The following PLPPR1 variants were observed in gnomAD, a reference collection of about 807,000 sequenced individuals.
PLPPR1 encodes the protein phospholipid phosphatase related 1.
A neutral mutation model predicts 33.1 loss-of-function variants in PLPPR1; 10 were observed. The ratio of observed to expected loss-of-function variants is 0.30; its 90% confidence interval spans 0.19 to 0.51. The LOEUF (loss-of-function observed/expected upper bound fraction) is 0.51, where lower values mean the gene tolerates loss of function less well. Among genes scored for constraint, PLPPR1 ranks in the 20% least tolerant of loss-of-function variants. The probability of loss-of-function intolerance (pLI) is 0.97; values close to 1 mark genes in which losing one functional copy is unlikely to be tolerated. For synonymous variants in PLPPR1, 151 were observed against 151.0 expected (o/e 1.00, Z 0.00); for missense variants, 304 against 408.1 (o/e 0.74, Z 2.20).
At chr9:101,262,157 G>T (rs894203882) in intron 2 of PLPPR1, among the ~76,000 whole-genome samples, 1 of 152,094 alleles carries the variant, frequency 6.6e-6, no homozygotes, top group African/African-American at 2.4e-5. Flanking sequence ...AACTATTTTT[G>T]TTGAGTCAGA....
At chr9:101,133,061 C>T (rs969227397) in intron 1 of PLPPR1, among the ~76,000 whole-genome samples, 2 of 152,078 alleles carry the variant, frequency 1.3e-5, no homozygotes, top group African/African-American at 2.4e-5. Flanking sequence ...AATCAAGTTC[C>T]AATTAGGAAA....
intron 1 of PLPPR1, among the ~76,000 whole-genome samples, chr9:101,080,631 T>C (rs1204082574): frequency 6.6e-6 from 1 of 152,204 alleles, no homozygotes; most frequent in Non-Finnish European, 1.5e-5. Context: ...AATTTTCTCT[T>C]TGGCTGGTTA....
intron 1 of PLPPR1, among the ~76,000 whole-genome samples, chr9:101,128,095 T>C (rs190619744): frequency 4.6e-5 from 7 of 152,180 alleles, no homozygotes; most frequent in East Asian, 3.9e-4. Context: ...ACTATGAGAA[T>C]TGTGCTTATT....
intron 2 of PLPPR1, among the ~76,000 whole-genome samples, chr9:101,220,166 C>G (rs1356684955): frequency 1.3e-5 from 2 of 152,172 alleles, no homozygotes; most frequent in African/African-American, 4.8e-5. Context: ...TGAGTTGTAA[C>G]AACCCAAAAT....
intron 4 of PLPPR1, among the ~76,000 whole-genome samples, chr9:101,303,649 G>T (rs1041572760): frequency 6.6e-6 from 1 of 152,128 alleles, no homozygotes; most frequent in Admixed American, 6.5e-5. Flanking sequence ...AAGTAGGGAG[G>T]GGTGGTAAAA....
chr9:101,313,758 GT>G (rs1829003483), intron 6 of PLPPR1, among the ~76,000 whole-genome samples: 1 of 152,008 alleles, frequency 6.6e-6, no homozygotes, highest in Non-Finnish European at 1.5e-5. Flanking sequence ...AGTATAATAG[GT>G]ATACAATAAA....
intron 4 of PLPPR1, among the ~76,000 whole-genome samples, chr9:101,296,520 T>G (rs1023436269): frequency 1.3e-5 from 2 of 152,104 alleles, no homozygotes; most frequent in Non-Finnish European, 2.9e-5. Flanking sequence ...TGCGGCACTA[T>G]TCACAATAGC....
chr9:101,031,412 G>A (rs1184903832), intron 1 of PLPPR1, among the ~76,000 whole-genome samples: 2 of 152,074 alleles, frequency 1.3e-5, no homozygotes, highest in Non-Finnish European at 2.9e-5. Context: ...TTATGTTCTA[G>A]TTGTAAATAC....
intron 2 of PLPPR1, among the ~76,000 whole-genome samples, chr9:101,212,675 A>T (rs62576888): frequency 0.038 from 5,776 of 152,264 alleles, 162 homozygotes; most frequent in Non-Finnish European, 0.056. Context: ...GTATTGTCAG[A>T]TGTATATTCT....
In PLPPR1 at chr9:101,092,732, C is replaced by T. The variant is rs527670492; in HGVS notation, c.-46+63630C>T. 4.6e-5 allele frequency among the ~76,000 whole-genome samples: 7 copies of T among 152,246 alleles called. No homozygotes were observed. In the South Asian group the frequency reaches 6.2e-4, roughly 14 times the overall value. ...ATCTTCCTTGACTTCCATCTTATTA[C>T]GGACTAATTGTTTGTGTCCCCTCAA... is the stretch of plus-strand genomic sequence containing the variant. On this transcript the variant is annotated intron_variant, in intron 1 of 7. Transcript: ENST00000374874.
At chr9:101,079,633 G>A (rs986551740) in intron 1 of PLPPR1, among the ~76,000 whole-genome samples, 1 of 150,970 alleles carries the variant, frequency 6.6e-6, no homozygotes, top group African/African-American at 2.4e-5. Flanking sequence ...AGGCTGGAGT[G>A]CAGTGGCACG....
intron 1 of PLPPR1, among the ~76,000 whole-genome samples, chr9:101,090,181 A>G (rs1282315366): frequency 6.6e-6 from 1 of 152,156 alleles, no homozygotes; most frequent in Non-Finnish European, 1.5e-5. Context: ...ATATAACGAC[A>G]TGAGCCCTAG....
chr9:101,306,912 G>A (rs921864608), intron 4 of PLPPR1, among the ~76,000 whole-genome samples: 1 of 152,218 alleles, frequency 6.6e-6, no homozygotes, highest in African/African-American at 2.4e-5. Flanking sequence ...AGCGTAGGGT[G>A]AAGTAAGAGA....
intron 1 of PLPPR1, among the ~76,000 whole-genome samples, chr9:101,082,303 A>C (rs1470869120): frequency 6.6e-6 from 1 of 151,982 alleles, no homozygotes; most frequent in African/African-American, 2.4e-5. Context: ...TATCTCTCAT[A>C]TTAGTTACAA....
chr9:101,153,862 C>T (rs1185685854), intron 1 of PLPPR1, among the ~76,000 whole-genome samples: 5 of 151,846 alleles, frequency 3.3e-5, no homozygotes, highest in African/African-American at 4.8e-5. Context: ...GGACTACAGG[C>T]GTGAGCCACC....
rs187889037 is a variant in PLPPR1 at position 101,129,832 on chromosome 9, A to G, written c.-45-55618A>G. ...GGCGACAGAGCAAGACTGTCTCAAA[A>G]CAATAAAAAAATAAATAAAAGGGAA... On this transcript the variant is annotated intron_variant, in intron 1 of 7. Coordinates refer to ENST00000374874, the MANE Select transcript of PLPPR1 (RefSeq NM_207299.2). Among the ~76,000 whole-genome samples the G allele has an allele frequency of 7.4e-4, 112 of 152,336 alleles. 1 individual carries two copies. Among genetic ancestry groups the G allele is most frequent in the Non-Finnish European group, 1.4e-3 (95 of 68,034 alleles).
chr9:101,222,374 G>T (rs989056614), intron 2 of PLPPR1, among the ~76,000 whole-genome samples: 2 of 152,172 alleles, frequency 1.3e-5, no homozygotes, highest in Non-Finnish European at 2.9e-5. Flanking sequence ...GATGTGGCTT[G>T]TTCTACAGAT....
chr9:101,224,985 T>C (rs969364871), intron 2 of PLPPR1, among the ~76,000 whole-genome samples: 1 of 152,252 alleles, frequency 6.6e-6, no homozygotes, highest in African/African-American at 2.4e-5. Context: ...CAATGCTTAA[T>C]ATTAAAAGCA....
intron 1 of PLPPR1, among the ~76,000 whole-genome samples, chr9:101,182,784 A>T (rs1826137772): frequency 6.6e-6 from 1 of 151,782 alleles, no homozygotes; most frequent in Admixed American, 6.6e-5. Flanking sequence ...TGTACAAAAA[A>T]CCTTTACACC....
Sources: allele counts gnomAD v4.1 joint callset (sites outside exome capture counted in the v4.1 genomes callset), GRCh38; gene constraint gnomAD v4.1.1; transcripts MANE v1.5; gene names NCBI Gene and HGNC (gene_info 2026-07-23, HGNC 2026-07-21).